The following EPM2AIP1 variants were observed in gnomAD, a reference collection of about 807,000 sequenced individuals.
EPM2AIP1 encodes the protein EPM2A interacting protein 1.
A neutral mutation model predicts 44.8 loss-of-function variants in EPM2AIP1; 23 were observed. The observed-to-expected ratio is 0.51, with a 90% CI of 0.37 to 0.73. The LOEUF (loss-of-function observed/expected upper bound fraction) is 0.73. EPM2AIP1 is among the 30% of genes least tolerant of loss of function. The probability of loss-of-function intolerance (pLI) is 0.00; values close to 1 mark genes in which losing one functional copy is unlikely to be tolerated. For synonymous variants in EPM2AIP1, 311 were observed against 284.3 expected, an observed-to-expected ratio of 1.09 and a Z score of -0.94; for missense variants, 652 against 743.9, an observed-to-expected ratio of 0.88 and a Z score of 1.44.
At position 36,992,521 on chromosome 3, in the gene EPM2AIP1, G is replaced by A. The variant is rs751229949; in HGVS notation, c.557C>T (p.Ala186Val). The change falls in exon 1 of 1, where the codon GCC (alanine) becomes GTC (valine). Residue 186 changes from alanine to valine, a missense_variant. Physicochemically the swap from Ala to Val is moderately conservative, Grantham distance 64. Coordinates refer to ENST00000322716, the MANE Select transcript of EPM2AIP1 (RefSeq NM_014805.4). The surrounding 1 kb of genome is among the most constrained non-coding windows in gnomAD (Gnocchi z 5.3). Reference sequence around the variant, plus strand: ...AAAGACCAGGAGGTAGTTCTCATAGGCCACAAAAGCCTGGTCGTCCAAGGC... The same window carrying A: ...AAAGACCAGGAGGTAGTTCTCATAGACCACAAAAGCCTGGTCGTCCAAGGC... ...SLALDDQAFV[A>V]YENYLLVFIR... The A allele has an allele frequency of 2.5e-6, 4 of 1,613,872 alleles. No homozygotes were observed. In the East Asian group the frequency reaches 6.7e-5, roughly 27 times the overall value.
Position 36,991,311 on chromosome 3 carries a change from A to C in EPM2AIP1, c.1767T>G (p.Thr589=). The C allele has an allele frequency of 6.2e-7, 1 of 1,613,924 alleles. No homozygotes were observed. Among genetic ancestry groups the C allele is most frequent in the Non-Finnish European group, 8.5e-7 (1 of 1,179,810 alleles). ...HLQALFRVAT[T]EMEPGWDDLV... Reference sequence around the variant, plus strand: ...GGTCATCCCAACCGGGCTCCATTTCAGTTGTGGCAACCCGAAACAGGGCTT... The same window carrying C: ...GGTCATCCCAACCGGGCTCCATTTCCGTTGTGGCAACCCGAAACAGGGCTT... Residue 589 remains threonine (T), a synonymous_variant, in exon 1 of 1, where the codon ACT becomes ACG. Coordinates refer to ENST00000322716, the MANE Select transcript of EPM2AIP1 (RefSeq NM_014805.4).
In EPM2AIP1 at chr3:36,991,973, T is replaced by C; in HGVS notation, c.1105A>G (p.Thr369Ala). 6.2e-7 allele frequency: 1 copy of C among 1,613,914 alleles called. No homozygotes were observed. The highest frequency in any genetic ancestry group is 8.5e-7 in the Non-Finnish European group (1 of 1,179,882). ...CATTGTTTGTCTGAGAAGTGGACTG[T>C]TGTTGCCCCTACTGAAACCAAGAAC... ...EAFLVSVGAT[T>A]VHFSDKQWLC... Residue 369 changes from threonine to alanine, a missense_variant, in exon 1 of 1, where the codon ACA becomes GCA. Transcript: ENST00000322716.
Position 36,985,142 on chromosome 3 carries a change from G to A in EPM2AIP1, c.*6112C>T, listed in dbSNP as rs2080763540. On this transcript the variant is annotated 3_prime_UTR_variant, in exon 1 of 1. Transcript: ENST00000322716. ...GTAAGTTGTGATGTAGTCACACAAT[G>A]GAATACTACACAGAAGTAAAACATG... is the stretch of plus-strand genomic sequence containing the variant. 1 of 152,102 alleles carries A rather than the reference G, an allele frequency of 6.6e-6. No individual in the cohort carries two copies. The highest frequency in any genetic ancestry group is 2.4e-5 in the African/African-American group (1 of 41,414). The allele number at this position is 152,102 out of a possible 1,614,324, so 9.4% of individuals were successfully genotyped here.
In EPM2AIP1 at chr3:36,990,255, G is replaced by T; in HGVS notation, c.*999C>A. ...AAATTTTAGAATAAATCCATTTCTAGCATCTAACAAAATCTGATACTGTAT... is the reference window on the plus strand; with the variant it reads ...AAATTTTAGAATAAATCCATTTCTATCATCTAACAAAATCTGATACTGTAT... On this transcript the variant is annotated 3_prime_UTR_variant, in exon 1 of 1. Coordinates refer to ENST00000322716, the MANE Select transcript of EPM2AIP1 (RefSeq NM_014805.4). 4.8e-6 allele frequency: 1 copy of T among 209,104 alleles called. No individual in the cohort carries two copies. The highest frequency in any genetic ancestry group is 8.3e-6 in the Non-Finnish European group (1 of 120,118). 13.0% of individuals were successfully genotyped at this position (209,104 alleles called of 1,614,324 possible).
rs1366303073 is a variant in EPM2AIP1 at position 36,990,366 on chromosome 3, T to C, written c.*888A>G. 2.1e-6 allele frequency: 2 copies of C among 975,470 alleles called. No individual in the cohort carries two copies. The highest frequency in any genetic ancestry group is 3.5e-5 in the African/African-American group (2 of 56,626). 60.4% of individuals were successfully genotyped at this position (975,470 alleles called of 1,614,324 possible). Reference sequence around the variant, plus strand: ...CGCAGATAAGACAAAAAAGCTAAAATATCTCACACCTCCTAATCCTGGAGT... The same window carrying C: ...CGCAGATAAGACAAAAAAGCTAAAACATCTCACACCTCCTAATCCTGGAGT... On this transcript the variant is annotated 3_prime_UTR_variant, in exon 1 of 1. Transcript: ENST00000322716.
chr3:36,991,234 C>A lies in EPM2AIP1; in HGVS notation c.*20G>T. The A allele has an allele frequency of 6.6e-7, 1 of 1,519,878 alleles. No individual in the cohort carries two copies. The highest frequency in any genetic ancestry group is 8.8e-7 in the Non-Finnish European group (1 of 1,131,846). 94.1% of individuals were successfully genotyped at this position (1,519,878 alleles called of 1,614,324 possible). ...AGAATTAAATTCTTGTTGAGTTTTT[C>A]AATCTTGTACTACAAAGCCTTATGG... is the stretch of plus-strand genomic sequence containing the variant. On this transcript the variant is annotated 3_prime_UTR_variant, in exon 1 of 1. Coordinates refer to ENST00000322716, the MANE Select transcript of EPM2AIP1 (RefSeq NM_014805.4).
rs2080778831 is a variant in EPM2AIP1 at position 36,987,846 on chromosome 3, TG to T, written c.*3407del. On this transcript the variant is annotated 3_prime_UTR_variant, in exon 1 of 1. Transcript: ENST00000322716. ...AAGACTGTGAAAGAGCTTCAAAAAT[TG>T]TAAAACACTACACAAATATTCGTTT... The T allele has an allele frequency of 6.6e-6, 1 of 152,180 alleles. No individual in the cohort carries two copies. The highest frequency in any genetic ancestry group is 2.4e-5 in the African/African-American group (1 of 41,442). 9.4% of individuals were successfully genotyped at this position (152,180 alleles called of 1,614,324 possible). A position where few individuals can be genotyped will look rare whatever the true frequency, so the allele number is the denominator to read the frequency against.
At position 36,988,921 on chromosome 3, in the gene EPM2AIP1, A is replaced by T. The variant is rs543249206; in HGVS notation, c.*2333T>A. On this transcript the variant is annotated 3_prime_UTR_variant, in exon 1 of 1. Transcript: ENST00000322716. ...AACAACTATATTTATTTAAAAAAAAAAAGACTGCCATGCAGTTACAGAATT... is the reference window on the plus strand; with the variant it reads ...AACAACTATATTTATTTAAAAAAAATAAGACTGCCATGCAGTTACAGAATT... 1 of 151,986 alleles carries T rather than the reference A, an allele frequency of 6.6e-6. No individual in the cohort carries two copies. The highest frequency in any genetic ancestry group is 1.5e-5 in the Non-Finnish European group (1 of 67,964). The allele number at this position is 151,986 out of a possible 1,614,324, so 9.4% of individuals were successfully genotyped here. A position where few individuals can be genotyped will look rare whatever the true frequency, so the allele number is the denominator to read the frequency against.
In EPM2AIP1 at chr3:36,987,442, A is replaced by ATATAT. The variant is rs1431656912; in HGVS notation, c.*3811_*3812insATATA. On this transcript the variant is annotated 3_prime_UTR_variant, in exon 1 of 1. Transcript: ENST00000322716. Reference sequence around the variant, plus strand: ...CCTTTGGAAATTTAAAAAAAAAAAAAAAATATATATATATATATGACACTG... The same window carrying ATATAT: ...CCTTTGGAAATTTAAAAAAAAAAAAATATATAAATATATATATATATATGACACTG... 2.6e-4 allele frequency: 33 copies of ATATAT among 127,804 alleles called. 2 individuals carry two copies. The East Asian group carries it at 6.5e-3, about 25-fold the overall frequency. The allele number at this position is 127,804 out of a possible 1,614,324, so 7.9% of individuals were successfully genotyped here.
At position 36,991,167 on chromosome 3, in the gene EPM2AIP1, C is replaced by A. The variant is rs978140368; in HGVS notation, c.*87G>T. 4 of 1,487,982 alleles carry A rather than the reference C, an allele frequency of 2.7e-6. No individual in the cohort carries two copies. In the African/African-American group the frequency reaches 5.6e-5, roughly 21 times the overall value. The allele number at this position is 1,487,982 out of a possible 1,614,324, so 92.2% of individuals were successfully genotyped here. A position where few individuals can be genotyped will look rare whatever the true frequency, so the allele number is the denominator to read the frequency against. ...CTGGTACTTGGTACTTTCTCACAAT[C>A]CAAATTAGTAAACTTGAAAACTCAA... On this transcript the variant is annotated 3_prime_UTR_variant, in exon 1 of 1. Transcript: ENST00000322716.
Position 36,988,258 on chromosome 3 carries a change from C to T in EPM2AIP1, c.*2996G>A, listed in dbSNP as rs142768317. On this transcript the variant is annotated 3_prime_UTR_variant, in exon 1 of 1. Transcript: ENST00000322716. ...AAAAACAGGGAGACTAATAAGGAGGCTGTTGCTATAATTTAGGTAGGTTGA... is the reference window on the plus strand; with the variant it reads ...AAAAACAGGGAGACTAATAAGGAGGTTGTTGCTATAATTTAGGTAGGTTGA... 1 of 152,286 alleles carries T rather than the reference C, an allele frequency of 6.6e-6. No individual in the cohort carries two copies. The highest frequency in any genetic ancestry group is 1.9e-4 in the East Asian group (1 of 5,190). The allele number at this position is 152,286 out of a possible 1,614,324, so 9.4% of individuals were successfully genotyped here. A position where few individuals can be genotyped will look rare whatever the true frequency, so the allele number is the denominator to read the frequency against.
rs1242895036 is a variant in EPM2AIP1 at position 36,989,922 on chromosome 3, T to C, written c.*1332A>G. Reference sequence around the variant, plus strand: ...TTAGTCATAGCCTGGTTCCTTGAATTTGCTGGATTAGTAACCACAGATTAA... The same window carrying C: ...TTAGTCATAGCCTGGTTCCTTGAATCTGCTGGATTAGTAACCACAGATTAA... On this transcript the variant is annotated 3_prime_UTR_variant, in exon 1 of 1. Coordinates refer to ENST00000322716, the MANE Select transcript of EPM2AIP1 (RefSeq NM_014805.4). The C allele has an allele frequency of 6.6e-6, 1 of 152,292 alleles. No homozygotes were observed. The highest frequency in any genetic ancestry group is 1.5e-5 in the Non-Finnish European group (1 of 68,026). 9.4% of individuals were successfully genotyped at this position (152,292 alleles called of 1,614,324 possible).
chr3:36,992,506 A>T lies in EPM2AIP1; in HGVS notation c.572T>A (p.Leu191His). The change falls in exon 1 of 1, where the codon CTC becomes CAC. Residue 191 changes from leucine to histidine, a missense_variant. Leu to His is a moderately conservative substitution (Grantham distance 99, BLOSUM62 -3). Coordinates refer to ENST00000322716, the MANE Select transcript of EPM2AIP1 (RefSeq NM_014805.4). This position sits in a 1 kb window ranked among gnomAD's most constrained non-coding sequence, Gnocchi z 5.3. Reference sequence around the variant, plus strand: ...GCCTACACCGCGGATAAAGACCAGGAGGTAGTTCTCATAGGCCACAAAAGC... The same window carrying T: ...GCCTACACCGCGGATAAAGACCAGGTGGTAGTTCTCATAGGCCACAAAAGC... ...DQAFVAYENY[L>H]LVFIRGVGPE... 6.2e-7 allele frequency: 1 copy of T among 1,613,962 alleles called. No homozygotes were observed. The highest frequency in any genetic ancestry group is 8.5e-7 in the Non-Finnish European group (1 of 1,179,866).
chr3:36,992,760 G>A lies in EPM2AIP1; in HGVS notation c.318C>T (p.Arg106=), dbSNP rs979061345. 8 of 1,613,722 alleles carry A rather than the reference G, an allele frequency of 5.0e-6. No individual in the cohort carries two copies. The Admixed American group carries it at 8.3e-5, about 17-fold the overall frequency. The change falls in exon 1 of 1, where the codon CGC becomes CGT. Residue 106 remains arginine, a synonymous_variant. Coordinates refer to ENST00000322716, the MANE Select transcript of EPM2AIP1 (RefSeq NM_014805.4). This position sits in a 1 kb window ranked among gnomAD's most constrained non-coding sequence, Gnocchi z 5.3. ...AGCCGCGACCCTTCAAGGCCAAGAG[G>A]CGGCAGAGCCCGAGGCCTGCACGAG... ...RAARAGLGLC[R]LLALKGRGWG...
At position 36,991,954 on chromosome 3, in the gene EPM2AIP1, TTGTC is replaced by T; in HGVS notation, c.1120_1123del (p.Asp374AsnfsTer45). The T allele has an allele frequency of 1.9e-6, 3 of 1,613,988 alleles. No individual in the cohort carries two copies. The highest frequency in any genetic ancestry group is 1.7e-6 in the Non-Finnish European group (2 of 1,179,874). On this transcript the variant is annotated frameshift_variant, in exon 1 of 1. Transcript: ENST00000322716. LOFTEE classifies it high-confidence loss of function. ...GAAGCCAAAGTCACAAAGCCATTGT[TTGTC>T]TGAGAAGTGGACTGTTGTTGCCCCT...
In EPM2AIP1 at chr3:36,992,142, G is replaced by T; in HGVS notation, c.936C>A (p.Gly312=). 1.2e-6 allele frequency: 2 copies of T among 1,613,954 alleles called. No homozygotes were observed. Among genetic ancestry groups the T allele is most frequent in the South Asian group, 1.1e-5 (1 of 91,086 alleles). Residue 312 remains glycine, a synonymous_variant, in exon 1 of 1, where the codon GGC becomes GGA. Transcript: ENST00000322716. This position sits in a 1 kb window ranked among gnomAD's most constrained non-coding sequence, Gnocchi z 5.3. ...SEWIVLIKTR[G]VRRPEFQTLL... is the part of the protein sequence containing the mutation. Reference sequence around the variant, plus strand: ...AAGTCTGAAATTCAGGTCGCCTAACGCCTCTGGTCTTAATCAAAACTATCC... The same window carrying T: ...AAGTCTGAAATTCAGGTCGCCTAACTCCTCTGGTCTTAATCAAAACTATCC...
chr3:36,992,818 G>A lies in EPM2AIP1; in HGVS notation c.260C>T (p.Pro87Leu), dbSNP rs773679548. The A allele has an allele frequency of 3.7e-6, 6 of 1,612,206 alleles. No homozygotes were observed. Among genetic ancestry groups the A allele is most frequent in the Non-Finnish European group, 5.1e-6 (6 of 1,179,794 alleles). Reference sequence around the variant, plus strand: ...CTCTTCAGGAGTGAAGGAGGCCACGGGCAAGTCGCCCTGACGCAGACGCTC... The same window carrying A: ...CTCTTCAGGAGTGAAGGAGGCCACGAGCAAGTCGCCCTGACGCAGACGCTC... ...LVERLRQGDL[P>L]VASFTPEERA... Residue 87 changes from proline (P) to leucine (L), a missense_variant, in exon 1 of 1, where the codon CCC becomes CTC. By Grantham distance (98) the Pro-to-Leu change is moderately conservative. Coordinates refer to ENST00000322716, the MANE Select transcript of EPM2AIP1 (RefSeq NM_014805.4). The surrounding 1 kb of genome is among the most constrained non-coding windows in gnomAD (Gnocchi z 5.3).
At position 36,987,446 on chromosome 3, in the gene EPM2AIP1, T is replaced by A. The variant is rs932712669; in HGVS notation, c.*3808A>T. 6.9e-6 allele frequency: 1 copy of A among 145,854 alleles called. No individual in the cohort carries two copies. The highest frequency in any genetic ancestry group is 2.5e-5 in the African/African-American group (1 of 40,336). 9.0% of individuals were successfully genotyped at this position (145,854 alleles called of 1,614,324 possible). On this transcript the variant is annotated 3_prime_UTR_variant, in exon 1 of 1. Coordinates refer to ENST00000322716, the MANE Select transcript of EPM2AIP1 (RefSeq NM_014805.4). ...TGGAAATTTAAAAAAAAAAAAAAAA[T>A]ATATATATATATATGACACTGTTTA...
Position 36,989,701 on chromosome 3 carries a change from G to C in EPM2AIP1, c.*1553C>G, listed in dbSNP as rs1187415313. 2 of 152,058 alleles carry C rather than the reference G, an allele frequency of 1.3e-5. No individual in the cohort carries two copies. Among genetic ancestry groups the C allele is most frequent in the Non-Finnish European group, 2.9e-5 (2 of 68,020 alleles). The allele number at this position is 152,058 out of a possible 1,614,324, so 9.4% of individuals were successfully genotyped here. On this transcript the variant is annotated 3_prime_UTR_variant, in exon 1 of 1. Transcript: ENST00000322716. Reference sequence around the variant, plus strand: ...CCAGGCTGTCCCATGCACTGCAGGGGTGAGTGTCTTTAGGCTTAAATGCCA... The same window carrying C: ...CCAGGCTGTCCCATGCACTGCAGGGCTGAGTGTCTTTAGGCTTAAATGCCA...
Sources: gnomAD v4.1 joint callset for allele counts on GRCh38, gnomAD v4.1.1 for gene constraint, Gnocchi (gnomAD v3.1) non-coding constraint, MANE v1.5 for transcripts, NCBI Gene and HGNC (gene_info 2026-07-23, HGNC 2026-07-21) for gene names.